IL15: variants seen among roughly 807,000 people sequenced by gnomAD.
IL15 encodes the protein interleukin 15.
In IL15, 11 loss-of-function variants were observed where a neutral mutation model predicts 19.6. That is an observed-to-expected ratio of 0.56 (90% confidence interval 0.35 to 0.93). IL15 has a LOEUF of 0.93. IL15 is among the 40% of genes least tolerant of loss of function. The pLI is 0.01. For missense variants in IL15, 197 were observed against 186.5 expected, an observed-to-expected ratio of 1.06 and a Z score of -0.33; for synonymous variants, 58 against 59.6, an observed-to-expected ratio of 0.97 and a Z score of 0.12.
At chr4:141,722,130 A>T in intron 5 of IL15, 122 bp downstream of exon 5, 1 of 1,240,972 alleles carries the variant, frequency 8.1e-7, no homozygotes, top group Non-Finnish European at 1.1e-6. Flanking sequence ...GTAGAAATTT[A>T]TGATCTTATA....
chr4:141,690,921 C>T (rs1728888418), intron 2 of IL15, among the ~76,000 whole-genome samples: 1 of 152,140 alleles, frequency 6.6e-6, no homozygotes, highest in Non-Finnish European at 1.5e-5. Context: ...CAGGAAAGCG[C>T]TTTTCTTCTG....
At chr4:141,692,968 G>A (rs1385047307) in intron 2 of IL15, among the ~76,000 whole-genome samples, 4 of 125,970 alleles carry the variant, frequency 3.2e-5, no homozygotes, top group Non-Finnish European at 4.7e-5. Flanking sequence ...CTACCTGAGC[G>A]CCACTGCACT....
At chr4:141,728,040 G>C in intron 6 of IL15, 56 bp downstream of exon 6, 1 of 816,172 alleles carries the variant, frequency 1.2e-6, no homozygotes, top group Non-Finnish European at 2.0e-6. Flanking sequence ...GTTTTTAAAA[G>C]TATATTTTTG....
intron 2 of IL15, among the ~76,000 whole-genome samples, chr4:141,664,678 A>G (rs578073261): frequency 6.6e-6 from 1 of 152,342 alleles, no homozygotes; most frequent in East Asian, 1.9e-4. Flanking sequence ...GAATATAAGT[A>G]TATATTTCTA....
chr4:141,725,246 C>G (rs777817305), intron 5 of IL15, among the ~76,000 whole-genome samples: 3 of 152,088 alleles, frequency 2.0e-5, no homozygotes, highest in Non-Finnish European at 4.4e-5. Flanking sequence ...GGCCTGTGTC[C>G]CTCCCTATGC....
chr4:141,657,151 T>C (rs963905372), intron 2 of IL15, among the ~76,000 whole-genome samples: 4 of 152,150 alleles, frequency 2.6e-5, no homozygotes, highest in Admixed American at 1.3e-4. Context: ...CTGTAGGCAA[T>C]TGTAACACAA....
intron 2 of IL15, among the ~76,000 whole-genome samples, chr4:141,704,336 A>G (rs962341865): frequency 1.3e-5 from 2 of 152,140 alleles, no homozygotes; most frequent in Non-Finnish European, 2.9e-5. Flanking sequence ...GTGTTGTACC[A>G]TATTTATTGA....
At chr4:141,706,486 T>A (rs1729520046) in intron 2 of IL15, among the ~76,000 whole-genome samples, 1 of 152,084 alleles carries the variant, frequency 6.6e-6, no homozygotes, top group Admixed American at 6.5e-5. Flanking sequence ...ATTCTGAGTT[T>A]GATTTATGAA....
intron 1 of IL15, among the ~76,000 whole-genome samples, chr4:141,639,390 A>T (rs753574996): frequency 1.6e-4 from 25 of 152,232 alleles, no homozygotes; most frequent in African/African-American, 2.4e-5. Flanking sequence ...GATTATCTTT[A>T]TAATCAAATA....
intron 4 of IL15, among the ~76,000 whole-genome samples, chr4:141,721,391 A>T (rs1021780299): frequency 6.6e-6 from 1 of 152,314 alleles, no homozygotes; most frequent in Admixed American, 6.5e-5. Flanking sequence ...ACTGGAATGA[A>T]GTCTGTACTG....
At chr4:141,670,618 T>C (rs1728140320) in intron 2 of IL15, among the ~76,000 whole-genome samples, 3 of 152,318 alleles carry the variant, frequency 2.0e-5, no homozygotes, top group South Asian at 2.1e-4. Context: ...ACAACAGATT[T>C]ATAGAAATAT....
chr4:141,666,973 A>G (rs1464504717), intron 2 of IL15, among the ~76,000 whole-genome samples: 2 of 152,030 alleles, frequency 1.3e-5, no homozygotes, highest in Admixed American at 1.3e-4. Context: ...TATCCAATGA[A>G]TTTTCCATAA....
chr4:141,679,809 G>A (rs1728474567), intron 2 of IL15, among the ~76,000 whole-genome samples: 1 of 152,126 alleles, frequency 6.6e-6, no homozygotes, highest in Non-Finnish European at 1.5e-5. Flanking sequence ...AAAATTGATG[G>A]CCTGGTTTTT....
At chr4:141,709,042 C>G (rs1199149207) in intron 2 of IL15, among the ~76,000 whole-genome samples, 1 of 110,138 alleles carries the variant, frequency 9.1e-6, no homozygotes. Context: ...CAATATTATT[C>G]AATATTGAAA....
Position 141,719,461 on chromosome 4 carries a change from A to T in IL15, c.-4A>T. 1.0e-6 allele frequency: 1 copy of T among 959,810 alleles called. No individual in the cohort carries two copies. Among genetic ancestry groups the T allele is most frequent in the Non-Finnish European group, 1.7e-6 (1 of 587,574 alleles). 59.5% of individuals were successfully genotyped at this position (959,810 alleles called of 1,614,324 possible). A position where few individuals can be genotyped will look rare whatever the true frequency, so the allele number is the denominator to read the frequency against. On this transcript the variant is annotated 5_prime_UTR_variant, in exon 3 of 8. An upstream open reading frame in the 5' UTR loses its in-frame stop. Transcript: ENST00000320650. ...TACTTAAGGATTTACCGTGGCTTTG[A>T]GTAATGAGAATTTCGGTAAGAAAAA...
chr4:141,681,419 C>A (rs1327216187), intron 2 of IL15, among the ~76,000 whole-genome samples: 2 of 152,056 alleles, frequency 1.3e-5, no homozygotes, highest in Admixed American at 1.3e-4. Flanking sequence ...TCTTCACATG[C>A]ATTATTTATT....
intron 5 of IL15, among the ~76,000 whole-genome samples, chr4:141,726,159 T>A (rs1297483263): frequency 6.6e-6 from 1 of 152,054 alleles, no homozygotes; most frequent in African/African-American, 2.4e-5. Context: ...CAATCTGAAT[T>A]TTGGAGGGGA....
intron 2 of IL15, among the ~76,000 whole-genome samples, chr4:141,700,390 G>C (rs1729243711): frequency 1.3e-5 from 2 of 152,210 alleles, no homozygotes; most frequent in South Asian, 2.1e-4. Flanking sequence ...GCTTAGTTTT[G>C]CTGGATAAAA....
rs770940505 is a variant in IL15, at chr4:141,674,442, C to T, written c.-100+18135C>T. Among the ~76,000 whole-genome samples, 10 of 151,888 alleles carry T rather than the reference C, an allele frequency of 6.6e-5. No individual in the cohort carries two copies. In the East Asian group the frequency reaches 7.7e-4, roughly 12 times the overall value. ...AAAATGTGTCAATACAAAAATTAGC[C>T]GGATGTGGTGGCACCTGCCTGTAAT... On this transcript the variant is annotated intron_variant, in intron 2 of 7. Transcript: ENST00000320650.
Sources: allele counts gnomAD v4.1 joint callset (sites outside exome capture counted in the v4.1 genomes callset), GRCh38; gene constraint gnomAD v4.1.1; transcripts MANE v1.5; gene names NCBI Gene and HGNC (gene_info 2026-07-23, HGNC 2026-07-21).